The following DNAJB14 variants were observed in gnomAD, a reference collection of about 807,000 sequenced individuals.
DNAJB14 encodes DnaJ heat shock protein family (Hsp40) member B14.
Under a neutral mutation model 48.4 loss-of-function variants are expected in DNAJB14, and 22 were observed. That is an observed-to-expected ratio of 0.45 (90% CI 0.32 to 0.65). The LOEUF is 0.65. Among genes scored for constraint, DNAJB14 ranks in the 30% least tolerant of loss-of-function variants. DNAJB14 has a pLI of 0.03. For missense variants in DNAJB14, 319 were observed against 458.8 expected (o/e 0.70, Z 2.78); for synonymous variants, 142 against 158.7 (o/e 0.89, Z 0.79).
At chr4:99,919,386 C>T (rs1393448702) in intron 3 of DNAJB14, among the ~76,000 whole-genome samples, 1 of 152,032 alleles carries the variant, frequency 6.6e-6, no homozygotes, top group African/African-American at 2.4e-5. Context: ...AGTTCAAGAC[C>T]AGCCTGGCCA....
rs144293712 is a variant in DNAJB14, at chr4:99,901,124, T to C, written c.1044A>G (p.Val348=). 8.7e-6 allele frequency: 14 copies of C among 1,609,860 alleles called. No homozygotes were observed. Among genetic ancestry groups the C allele is most frequent in the Non-Finnish European group, 1.2e-5 (14 of 1,178,960 alleles). Residue 348 remains valine, a synonymous_variant, in exon 8 of 8, where the codon GTA becomes GTG. Transcript: ENST00000442697. The part of the protein sequence containing the change: ...QKTDMQYAAK[V]YRDDRLRRKA... The stretch of plus-strand genomic sequence containing the variant: ...TCCTTCGGAGTCGATCATCACGGTA[T>C]ACTTTTGCTGCATACTGCATATCTG...
intron 1 of DNAJB14, among the ~76,000 whole-genome samples, chr4:99,943,884 T>C (rs569570248): frequency 6.6e-6 from 1 of 151,738 alleles, no homozygotes; most frequent in Non-Finnish European, 1.5e-5. Context: ...AATAGAAAAA[T>C]GGCACTACAA....
intron 2 of DNAJB14, chr4:99,924,537 TAACA>T (rs1284682988): frequency 2.2e-5 from 10 of 463,938 alleles, no homozygotes; most frequent in Non-Finnish European, 3.6e-5. Flanking sequence ...TTAAAAACAT[TAACA>T]TACATCAATT....
At chr4:99,934,671 T>C (rs1407192543) in intron 1 of DNAJB14, among the ~76,000 whole-genome samples, 1 of 150,762 alleles carries the variant, frequency 6.6e-6, no homozygotes, top group Non-Finnish European at 1.5e-5. Context: ...CCAGTGCCTG[T>C]AATCCCAGCT....
chr4:99,928,497 T>A (rs1387974760), intron 2 of DNAJB14: 1 of 424,596 alleles, frequency 2.4e-6, no homozygotes, highest in Non-Finnish European at 4.8e-6. Flanking sequence ...ACCACCCACA[T>A]ACACACAAAA....
At chr4:99,925,118 C>T (rs773766784) in intron 2 of DNAJB14, 1 of 356,706 alleles carries the variant, frequency 2.8e-6, no homozygotes, top group Non-Finnish European at 5.1e-6. Context: ...ATGCTCAAAT[C>T]CCTGATATAA....
rs1387012894 is a variant in DNAJB14, at chr4:99,900,766, C to T, written c.*262G>A. On this transcript the variant is annotated 3_prime_UTR_variant, in exon 8 of 8. Transcript: ENST00000442697. ...GGAAATTGCTACAGGTGTGATAATC[C>T]TTTCTCATGACACTTTAGTTAGGAA... The T allele has an allele frequency of 3.6e-6, 1 of 280,132 alleles. No homozygotes were observed. Among genetic ancestry groups the T allele is most frequent in the Non-Finnish European group, 6.6e-6 (1 of 151,792 alleles). The allele number at this position is 280,132 out of a possible 1,614,324, so 17.4% of individuals were successfully genotyped here.
intron 1 of DNAJB14, among the ~76,000 whole-genome samples, chr4:99,943,907 C>T (rs1315729875): frequency 7.2e-5 from 11 of 151,992 alleles, no homozygotes; most frequent in Admixed American, 5.9e-4. Flanking sequence ...AACTTAAAAA[C>T]TTATGTGCAT....
chr4:99,924,761 G>C (rs1726186863), intron 2 of DNAJB14: 4 of 1,611,322 alleles, frequency 2.5e-6, no homozygotes, highest in Non-Finnish European at 3.4e-6. Flanking sequence ...AATACCTACT[G>C]TGTGTTAGGT....
In DNAJB14 at chr4:99,903,818, T is replaced by C; in HGVS notation, c.923A>G (p.Tyr308Cys). The C allele has an allele frequency of 6.2e-7, 1 of 1,613,046 alleles. No homozygotes were observed. The highest frequency in any genetic ancestry group is 1.1e-5 in the South Asian group (1 of 91,046). The stretch of plus-strand genomic sequence containing the variant: ...TACCTTTTGTAATAACATTCCTTTA[T>C]ATTCATTTTTGAAGTCCTTGTTGAC... ...YYVNKDFKNE[Y>C]KGMLLQKVEK... Residue 308 changes from tyrosine (Y) to cysteine (C), a missense_variant, in exon 7 of 8, where the codon TAT (tyrosine) becomes TGT (cysteine). Tyr to Cys is a radical substitution (Grantham distance 194). Coordinates refer to ENST00000442697, the MANE Select transcript of DNAJB14 (RefSeq NM_001031723.4).
intron 2 of DNAJB14, chr4:99,925,712 A>T (rs895567414): frequency 6.6e-6 from 1 of 152,184 alleles, no homozygotes; most frequent in Non-Finnish European, 1.5e-5. Context: ...TTGGGAGAAA[A>T]ACAAGCAATA....
At chr4:99,944,588 T>C (rs1726999125) in intron 1 of DNAJB14, among the ~76,000 whole-genome samples, 1 of 151,880 alleles carries the variant, frequency 6.6e-6, no homozygotes, top group Non-Finnish European at 1.5e-5. Context: ...TTTTTTGTTT[T>C]TTTGAGATGG....
At chr4:99,912,482 CTT>C (rs900128294) in intron 3 of DNAJB14, among the ~76,000 whole-genome samples, 4 of 143,378 alleles carry the variant, frequency 2.8e-5, no homozygotes, top group Non-Finnish European at 3.1e-5. Flanking sequence ...GATGACTTGA[CTT>C]TTTTTTTTTT....
At chr4:99,903,307 G>C (rs1310751763) in intron 7 of DNAJB14, among the ~76,000 whole-genome samples, 1 of 151,976 alleles carries the variant, frequency 6.6e-6, no homozygotes, top group Non-Finnish European at 1.5e-5. Flanking sequence ...AAAACTCATT[G>C]TACATTAAAT....
At chr4:99,906,277 G>A in intron 5 of DNAJB14, 2 of 1,120,748 alleles carry the variant, frequency 1.8e-6, no homozygotes, top group Non-Finnish European at 2.4e-6. Context: ...CATAGTGCAG[G>A]TGTACCTTCA....
chr4:99,900,098 G>A lies in DNAJB14; in HGVS notation c.*930C>T, dbSNP rs2110189228. 6.6e-6 allele frequency: 1 copy of A among 152,410 alleles called. No homozygotes were observed. The highest frequency in any genetic ancestry group is 2.1e-4 in the South Asian group (1 of 4,814). 9.4% of individuals were successfully genotyped at this position (152,410 alleles called of 1,614,324 possible). A position where few individuals can be genotyped will look rare whatever the true frequency, so the allele number is the denominator to read the frequency against. On this transcript the variant is annotated 3_prime_UTR_variant, in exon 8 of 8. Coordinates refer to ENST00000442697, the MANE Select transcript of DNAJB14 (RefSeq NM_001031723.4). ...ATTTTTCTTATTACTTATTTGTAAA[G>A]GAACTTCTTTGGATCCTGCTTAAAT...
intron 3 of DNAJB14, among the ~76,000 whole-genome samples, chr4:99,910,643 A>G (rs1725625516): frequency 6.6e-6 from 1 of 152,082 alleles, no homozygotes; most frequent in Non-Finnish European, 1.5e-5. Flanking sequence ...AATTGTACAC[A>G]TAAGACAATT....
At chr4:99,922,976 T>C (rs1726115193) in intron 3 of DNAJB14, 64 bp downstream of exon 3, 1 of 1,480,532 alleles carries the variant, frequency 6.8e-7, no homozygotes, top group Non-Finnish European at 9.0e-7. Flanking sequence ...CTTAATATTC[T>C]GAAACGCCGT....
chr4:99,946,156 C>T (rs1727059325), intron 1 of DNAJB14, among the ~76,000 whole-genome samples: 1 of 152,228 alleles, frequency 6.6e-6, no homozygotes, highest in Admixed American at 6.5e-5. Context: ...AAGTCTCCTC[C>T]AGGGAGAATG....
Sources: allele counts gnomAD v4.1 joint callset (sites outside exome capture counted in the v4.1 genomes callset), GRCh38; gene constraint gnomAD v4.1.1; transcripts MANE v1.5; gene names NCBI Gene and HGNC (gene_info 2026-07-23, HGNC 2026-07-21).